UQCRC2: variants seen among roughly 807,000 people sequenced by gnomAD.
UQCRC2 encodes ubiquinol-cytochrome c reductase core protein 2, also known as cytochrome b-c1 complex subunit 2, mitochondrial.
UQCRC2 carries 49 observed loss-of-function variants against 55.6 expected under a neutral mutation model. The observed-to-expected ratio is 0.88, with a 90% CI of 0.70 to 1.12. The LOEUF is 1.12. Among genes scored for constraint, UQCRC2 ranks in the 50% most tolerant of loss-of-function variants. The probability of loss-of-function intolerance (pLI) is 0.00; values close to 1 mark genes in which losing one functional copy is unlikely to be tolerated. For missense variants in UQCRC2, 506 were observed against 547.8 expected, an observed-to-expected ratio of 0.92 and a Z score of 0.76; for synonymous variants, 193 against 192.0, an observed-to-expected ratio of 1.01 and a Z score of -0.04.
chr16:21,961,653 TA>T (rs398029009), intron 4 of UQCRC2, among the ~76,000 whole-genome samples: 3 of 105,754 alleles, frequency 2.8e-5, no homozygotes, highest in Non-Finnish European at 5.4e-5. Context: ...TATATATATA[TA>T]TATATATATA....
At chr16:21,967,433 G>A (rs1000016179) in intron 7 of UQCRC2, among the ~76,000 whole-genome samples, 4 of 151,720 alleles carry the variant, frequency 2.6e-5, no homozygotes, top group South Asian at 2.1e-4. Context: ...CATAGAAGTC[G>A]TAAGTTTTTT....
At chr16:21,961,007 T>C (rs1246870718) in intron 4 of UQCRC2, among the ~76,000 whole-genome samples, 1 of 152,124 alleles carries the variant, frequency 6.6e-6, no homozygotes, top group East Asian at 1.9e-4. Flanking sequence ...ATTTTTTATT[T>C]TTTGTACAAA....
At chr16:21,974,350 A>G (rs550066034) in intron 11 of UQCRC2, among the ~76,000 whole-genome samples, 2 of 152,292 alleles carry the variant, frequency 1.3e-5, no homozygotes, top group East Asian at 3.9e-4. Flanking sequence ...GGAAAAGAAA[A>G]CTAAAGCTCA....
At chr16:21,967,130 A>T (rs1898346384) in intron 7 of UQCRC2, among the ~76,000 whole-genome samples, 1 of 152,200 alleles carries the variant, frequency 6.6e-6, no homozygotes, top group African/African-American at 2.4e-5. Context: ...AGGCTAAAGG[A>T]AACTCTAAAG....
At position 21,968,688 on chromosome 16, in the gene UQCRC2, A is replaced by G. The variant is rs1465116713; in HGVS notation, c.670+3A>G. On this transcript the variant is annotated splice_donor_region_variant and intron_variant, in intron 8 of 13. Coordinates refer to ENST00000268379, the MANE Select transcript of UQCRC2 (RefSeq NM_003366.4). ...AAGAATGGCTTTGATTGGACTTGGT[A>G]AGTTTAGAGTATTGCCTGCCTGTCA... 1 of 1,608,254 alleles carries G rather than the reference A, an allele frequency of 6.2e-7. No homozygotes were observed. The highest frequency in any genetic ancestry group is 1.1e-5 in the South Asian group (1 of 90,098).
intron 1 of UQCRC2, among the ~76,000 whole-genome samples, chr16:21,954,921 G>C (rs1309874264): frequency 6.6e-6 from 1 of 151,558 alleles, no homozygotes; most frequent in Non-Finnish European, 1.5e-5. Flanking sequence ...GCGTGGTGGT[G>C]GTGGGCGCCT....
At chr16:21,964,605 G>A (rs912545836) in intron 6 of UQCRC2, among the ~76,000 whole-genome samples, 1 of 152,068 alleles carries the variant, frequency 6.6e-6, no homozygotes, top group Non-Finnish European at 1.5e-5. Context: ...CTAAAATGCT[G>A]TTCCCAAATG....
chr16:21,975,375 C>T (rs1450950589), intron 11 of UQCRC2, among the ~76,000 whole-genome samples: 1 of 151,898 alleles, frequency 6.6e-6, no homozygotes, highest in Non-Finnish European at 1.5e-5. Context: ...TTGAGGGCTT[C>T]AGAGGTATGC....
chr16:21,971,871 C>G, intron 9 of UQCRC2, 52 bp from the exon 10 acceptor site: 1 of 1,606,560 alleles, frequency 6.2e-7, no homozygotes, highest in Non-Finnish European at 8.5e-7. Context: ...AGAATGAAAC[C>G]AATGGTGAAC....
At chr16:21,966,462 C>G (rs1365621165) in intron 7 of UQCRC2, among the ~76,000 whole-genome samples, 1 of 152,050 alleles carries the variant, frequency 6.6e-6, no homozygotes, top group Non-Finnish European at 1.5e-5. Flanking sequence ...ACCACCCAGA[C>G]CCAAAAACAA....
In UQCRC2 at chr16:21,962,452, C is replaced by T. The variant is rs376496884; in HGVS notation, c.333-8C>T. The T allele has an allele frequency of 1.7e-5, 27 of 1,613,808 alleles. No homozygotes were observed. Among genetic ancestry groups the T allele is most frequent in the Middle Eastern group, 1.6e-4 (1 of 6,084 alleles). On this transcript the variant is annotated splice_polypyrimidine_tract_variant and splice_region_variant and intron_variant, in intron 4 of 13. Coordinates refer to ENST00000268379, the MANE Select transcript of UQCRC2 (RefSeq NM_003366.4). Reference sequence around the variant, plus strand: ...AGATGATTTACTCTAGTTTATTTTCCGATTCAGTGTGACCGCAACAAGGGA... The same window carrying T: ...AGATGATTTACTCTAGTTTATTTTCTGATTCAGTGTGACCGCAACAAGGGA...
intron 12 of UQCRC2, among the ~76,000 whole-genome samples, chr16:21,979,294 A>G (rs1220943259): frequency 1.3e-5 from 2 of 152,210 alleles, no homozygotes; most frequent in Non-Finnish European, 2.9e-5. Context: ...CCATGGATCA[A>G]TTATAATTTT....
At chr16:21,972,666 G>A (rs1597963771) in intron 10 of UQCRC2, among the ~76,000 whole-genome samples, 1 of 152,030 alleles carries the variant, frequency 6.6e-6, no homozygotes, top group Non-Finnish European at 1.5e-5. Flanking sequence ...CTGGAGGTCA[G>A]GAGTTCGAGA....
At chr16:21,974,022 TC>T (rs752766822) in intron 11 of UQCRC2, 46 bp downstream of exon 11, 16 of 1,435,182 alleles carry the variant, frequency 1.1e-5, no homozygotes, top group South Asian at 4.1e-5. Context: ...AAGTTATTTC[TC>T]CCCCCCGCCA....
intron 6 of UQCRC2, 177 bp downstream of exon 6, chr16:21,963,062 C>T: frequency 1.4e-6 from 1 of 693,238 alleles, no homozygotes; most frequent in South Asian, 2.4e-5. Context: ...GATCTTGGCT[C>T]ACTGCAACCT....
In UQCRC2 at chr16:21,971,946, GAC is replaced by G. The variant is rs1898472869; in HGVS notation, c.792_793del (p.Asp264GlufsTer23). 6.2e-7 allele frequency: 1 copy of G among 1,614,114 alleles called. No individual in the cohort carries two copies. Among genetic ancestry groups the G allele is most frequent in the African/African-American group, 1.3e-5 (1 of 75,050 alleles). On this transcript the variant is annotated frameshift_variant, in exon 10 of 14. Transcript: ENST00000268379. LOFTEE classifies it high-confidence loss of function. Reference protein sequence around the residue: ...RGGEIREQNGDSLVHAAFVAE... With the variant: ...RGGEIREQNGXSLVHAAFVAE... The stretch of plus-strand genomic sequence containing the variant: ...AGGTGAAATCCGAGAACAGAATGGA[GAC>G]AGTCTTGTCCATGCTGCTTTTGTAG...
At chr16:21,967,994 T>G (rs1898368627) in intron 7 of UQCRC2, among the ~76,000 whole-genome samples, 2 of 151,798 alleles carry the variant, frequency 1.3e-5, no homozygotes, top group Non-Finnish European at 2.9e-5. Flanking sequence ...TAATTTCTTT[T>G]TATTCCTTTT....
chr16:21,953,440 G>C lies in UQCRC2; in HGVS notation c.17G>C (p.Arg6Thr), dbSNP rs770077473. The C allele has an allele frequency of 6.2e-7, 1 of 1,613,432 alleles. No homozygotes were observed. The highest frequency in any genetic ancestry group is 1.1e-5 in the South Asian group (1 of 90,872). Residue 6 changes from arginine to threonine, a missense_variant, in exon 1 of 14, where the codon AGA becomes ACA. Arg to Thr is a moderately conservative substitution (Grantham distance 71). Coordinates refer to ENST00000268379, the MANE Select transcript of UQCRC2 (RefSeq NM_003366.4). ...TCTTGAATCATGAAGCTACTAACCAGAGCCGGCTCTTTCTCGGTGAGCTCA... is the reference window on the plus strand; with the variant it reads ...TCTTGAATCATGAAGCTACTAACCACAGCCGGCTCTTTCTCGGTGAGCTCA... MKLLTRAGSFSRFYSL... is the reference protein window; with the variant it reads MKLLTTAGSFSRFYSL...
intron 8 of UQCRC2, 67 bp from the exon 9 acceptor site, chr16:21,971,458 A>C: frequency 1.1e-5 from 14 of 1,297,208 alleles, no homozygotes; most frequent in African/African-American, 1.5e-5. Flanking sequence ...AAAACAAGGA[A>C]AAAATATTTT....
Sources: allele counts gnomAD v4.1 joint callset (sites outside exome capture counted in the v4.1 genomes callset), GRCh38; gene constraint gnomAD v4.1.1; transcripts MANE v1.5; gene names NCBI Gene and HGNC (gene_info 2026-07-23, HGNC 2026-07-21).